UBA6: variants seen among roughly 807,000 people sequenced by gnomAD.
UBA6 encodes ubiquitin like modifier activating enzyme 6.
In UBA6, 87 loss-of-function variants were observed where a neutral mutation model predicts 148.3. The ratio of observed to expected loss-of-function variants is 0.59; its 90% CI spans 0.49 to 0.70. The LOEUF (loss-of-function observed/expected upper bound fraction) is 0.70, where lower values mean the gene tolerates loss of function less well. UBA6 is among the 30% of genes least tolerant of loss of function. UBA6 has a pLI of 0.00. For synonymous variants in UBA6, 376 were observed against 401.0 expected, an observed-to-expected ratio of 0.94 and a Z score of 0.75; for missense variants, 1,186 against 1,241.2, an observed-to-expected ratio of 0.96 and a Z score of 0.67.
intron 9 of UBA6, among the ~76,000 whole-genome samples, chr4:67,665,874 T>C (rs1456588568): frequency 1.3e-5 from 2 of 152,158 alleles, no homozygotes; most frequent in Non-Finnish European, 2.9e-5. Flanking sequence ...AAAATTCCTT[T>C]AAAACCATGT....
Position 67,676,181 on chromosome 4 carries a change from G to A in UBA6, c.465+1430C>T, listed in dbSNP as rs879768403. ...TGGGATTACAGGCATGCACCACCAC[G>A]CCCGGCTAATTTTTGTATTATTAGT... On this transcript the variant is annotated intron_variant, in intron 6 of 32. Coordinates refer to ENST00000322244, the MANE Select transcript of UBA6 (RefSeq NM_018227.6). Among the ~76,000 whole-genome samples, 7 of 151,790 alleles carry A rather than the reference G, an allele frequency of 4.6e-5. 1 individual carries two copies. The highest frequency in any genetic ancestry group is 1.0e-4 in the Non-Finnish European group (7 of 67,938).
chr4:67,645,699 T>G (rs2109916556), intron 16 of UBA6, among the ~76,000 whole-genome samples: 1 of 152,306 alleles, frequency 6.6e-6, no homozygotes, highest in Non-Finnish European at 1.5e-5. Context: ...TAGAATTTAA[T>G]TTTTGAAATT....
rs563846719 is a variant in UBA6, at chr4:67,655,959, G to A, written c.1104+6230C>T. ...TCTACAAGAAACGGATAAATTCCTG[G>A]ACACATACACCCTCCCAAGACTAAA... On this transcript the variant is annotated intron_variant, in intron 13 of 32. Transcript: ENST00000322244. 3.3e-5 allele frequency among the ~76,000 whole-genome samples: 5 copies of A among 152,260 alleles called. No homozygotes were observed. The South Asian group carries it at 8.3e-4, about 25-fold the overall frequency.
intron 8 of UBA6, among the ~76,000 whole-genome samples, chr4:67,669,611 T>C (rs1730091863): frequency 6.6e-6 from 1 of 152,100 alleles, no homozygotes; most frequent in African/African-American, 2.4e-5. Context: ...TCCAGTTCTT[T>C]TATGCAAAAA....
At chr4:67,672,387 A>G (rs929294465) in intron 7 of UBA6, among the ~76,000 whole-genome samples, 2 of 152,242 alleles carry the variant, frequency 1.3e-5, no homozygotes, top group Admixed American at 1.3e-4. Context: ...AAAAAGGCAA[A>G]TAACATCTTA....
At chr4:67,626,225 A>G (rs1728863459) in intron 28 of UBA6, 135 bp downstream of exon 28, 1 of 644,712 alleles carries the variant, frequency 1.6e-6, no homozygotes, top group Non-Finnish European at 2.7e-6. Flanking sequence ...ACTGACTTTA[A>G]TATGATCATG....
intron 9 of UBA6, among the ~76,000 whole-genome samples, chr4:67,667,765 T>C (rs1730042065): frequency 6.6e-6 from 1 of 152,164 alleles, no homozygotes; most frequent in Non-Finnish European, 1.5e-5. Flanking sequence ...ATGCCTGACA[T>C]CTTTCCATTT....
chr4:67,624,155 C>T lies in UBA6; in HGVS notation c.2811G>A (p.Glu937=). Reference sequence around the variant, plus strand: ...TTTTAGTTTTCCTTACTTCAGTTGTCTCTGTAAATACTACAATTGGAATGG... The same window carrying T: ...TTTTAGTTTTCCTTACTTCAGTTGTTTCTGTAAATACTACAATTGGAATGG... ...NLAIPIVVFT[E]TTEVRKTKIR... The change falls in exon 30 of 33, where the codon GAG becomes GAA. Residue 937 remains glutamate, a synonymous_variant. Coordinates refer to ENST00000322244, the MANE Select transcript of UBA6 (RefSeq NM_018227.6). 1 of 1,602,962 alleles carries T rather than the reference C, an allele frequency of 6.2e-7. No homozygotes were observed. Among genetic ancestry groups the T allele is most frequent in the Non-Finnish European group, 8.5e-7 (1 of 1,175,582 alleles).
chr4:67,643,574 T>C (rs1325904226), intron 17 of UBA6, among the ~76,000 whole-genome samples: 1 of 152,066 alleles, frequency 6.6e-6, no homozygotes, highest in Non-Finnish European at 1.5e-5. Flanking sequence ...TTACTTAAAG[T>C]TTTGGACAAA....
At chr4:67,654,505 C>A (rs543579559) in intron 13 of UBA6, among the ~76,000 whole-genome samples, 1 of 152,110 alleles carries the variant, frequency 6.6e-6, no homozygotes, top group Non-Finnish European at 1.5e-5. Flanking sequence ...TTTGTCACCA[C>A]CAGACCTGCC....
intron 8 of UBA6, among the ~76,000 whole-genome samples, chr4:67,669,239 C>T (rs1433431701): frequency 1.3e-5 from 2 of 152,148 alleles, no homozygotes; most frequent in South Asian, 4.1e-4. Context: ...GTGTTTTTCT[C>T]AGGGACAAAC....
chr4:67,683,572 A>ATT (rs59333307), intron 2 of UBA6, among the ~76,000 whole-genome samples: 16 of 145,090 alleles, frequency 1.1e-4, no homozygotes, highest in African/African-American at 1.5e-4. Flanking sequence ...TTTTTTTGCA[A>ATT]TTTTTTTTTT....
intron 29 of UBA6, among the ~76,000 whole-genome samples, 181 bp from the exon 30 acceptor site, chr4:67,624,434 T>C (rs1337140039): frequency 6.6e-6 from 1 of 152,118 alleles, no homozygotes; most frequent in Non-Finnish European, 1.5e-5. Flanking sequence ...TTTTATACTT[T>C]CAAACTTTCA....
Position 67,617,453 on chromosome 4 carries a change from T to C in UBA6, c.*1544A>G, listed in dbSNP as rs1728653496. The C allele has an allele frequency of 6.6e-6, 1 of 152,034 alleles. No homozygotes were observed. The highest frequency in any genetic ancestry group is 1.5e-5 in the Non-Finnish European group (1 of 67,928). The allele number at this position is 152,034 out of a possible 1,614,324, so 9.4% of individuals were successfully genotyped here. ...AAATTTAATTTCTTTTTTCCAAAGG[T>C]AGTCATTTTCTTTAAATTCATCCTA... On this transcript the variant is annotated 3_prime_UTR_variant, in exon 33 of 33. Coordinates refer to ENST00000322244, the MANE Select transcript of UBA6 (RefSeq NM_018227.6).
chr4:67,686,770 GGTGAGACACCCACCTCTACATAAAAAT>G (rs1397959558), intron 2 of UBA6, among the ~76,000 whole-genome samples: 3 of 151,268 alleles, frequency 2.0e-5, no homozygotes, highest in Non-Finnish European at 4.4e-5. Context: ...TGGGCAATAC[GGTGAGACACCCACCTCTACATAAAAAT>G]GTGAAAATTA....
At chr4:67,625,462 T>G (rs751689718) in intron 28 of UBA6, among the ~76,000 whole-genome samples, 7 of 151,760 alleles carry the variant, frequency 4.6e-5, no homozygotes, top group Non-Finnish European at 1.0e-4. Flanking sequence ...AAAAAAACTT[T>G]TTAATAAATA....
rs537877179 is a variant in UBA6 at position 67,613,378 on chromosome 4, G to T, written c.*5619C>A. On this transcript the variant is annotated 3_prime_UTR_variant, in exon 33 of 33. Coordinates refer to ENST00000322244, the MANE Select transcript of UBA6 (RefSeq NM_018227.6). ...CAAAATAAAAACAGACCCACAGGCG[G>T]GTTTTGATTCTGGAATTATTAGACA... 1 of 152,246 alleles carries T rather than the reference G, an allele frequency of 6.6e-6. No homozygotes were observed. The highest frequency in any genetic ancestry group is 1.5e-5 in the Non-Finnish European group (1 of 67,990). 9.4% of individuals were successfully genotyped at this position (152,246 alleles called of 1,614,324 possible).
chr4:67,616,062 T>C lies in UBA6; in HGVS notation c.*2935A>G, dbSNP rs1305007969. 5 of 392,872 alleles carry C rather than the reference T, an allele frequency of 1.3e-5. No individual in the cohort carries two copies. The highest frequency in any genetic ancestry group is 2.2e-5 in the Non-Finnish European group (5 of 222,342). 24.3% of individuals were successfully genotyped at this position (392,872 alleles called of 1,614,324 possible). On this transcript the variant is annotated 3_prime_UTR_variant, in exon 33 of 33. Coordinates refer to ENST00000322244, the MANE Select transcript of UBA6 (RefSeq NM_018227.6). ...AATATATATGTGTTTTTGAAAAATA[T>C]ATATTTCTCAATAAAAAAACAAAGT...
Position 67,665,275 on chromosome 4 carries a change from A to G in UBA6, c.811T>C (p.Phe271Leu). The change falls in exon 10 of 33, where the codon TTT (phenylalanine) becomes CTT (leucine). Residue 271 changes from phenylalanine (F) to leucine (L), a missense_variant. Physicochemically the swap from Phe to Leu is conservative, Grantham distance 22. Coordinates refer to ENST00000322244, the MANE Select transcript of UBA6 (RefSeq NM_018227.6). The stretch of plus-strand genomic sequence containing the variant: ...AGTTCTGTGGTGTCACCAATACTAA[A>G]AGAAAATGGCGATATCACTAGAAGA... ...QQITVISPFS[F>L]SIGDTTELEP... The G allele has an allele frequency of 1.3e-6, 2 of 1,599,260 alleles. No individual in the cohort carries two copies. Among genetic ancestry groups the G allele is most frequent in the Non-Finnish European group, 1.7e-6 (2 of 1,175,690 alleles).
Sources: gnomAD v4.1 joint callset for allele counts (sites outside exome capture counted in the v4.1 genomes callset) on GRCh38, gnomAD v4.1.1 for gene constraint, MANE v1.5 for transcripts, NCBI Gene and HGNC (gene_info 2026-07-23, HGNC 2026-07-21) for gene names.